The following FNDC3B variants were observed in gnomAD, a reference collection of about 807,000 sequenced individuals.
FNDC3B encodes the protein fibronectin type III domain-containing protein 3B.
Under a neutral mutation model 151.5 loss-of-function variants are expected in FNDC3B, and 12 were observed. That is an observed-to-expected ratio of 0.08 (90% CI 0.05 to 0.13). FNDC3B has a LOEUF of 0.13. Among genes scored for constraint, FNDC3B ranks in the 10% least tolerant of loss-of-function variants. FNDC3B has a pLI of 1.00. For missense variants in FNDC3B, 1,214 were observed against 1,505.3 expected (o/e 0.81, Z 3.20); for synonymous variants, 528 against 549.0 (o/e 0.96, Z 0.54).
At position 172,395,247 on chromosome 3, in the gene FNDC3B, TTGTC is replaced by T. The variant is rs796301782; in HGVS notation, c.3304-1912_3304-1909del. 6.4e-4 allele frequency among the ~76,000 whole-genome samples: 98 copies of T among 152,352 alleles called. 1 individual carries two copies. Among genetic ancestry groups the T allele is most frequent in the African/African-American group, 2.0e-3 (84 of 41,588 alleles). ...GGTTTCATTTCTGCTATTTTTTTCT[TTGTC>T]TGTCCATTGACTCTAAGCCATAAAT... On this transcript the variant is annotated intron_variant, in intron 25 of 25. Transcript: ENST00000415807.
rs539786610 is a variant in FNDC3B, at chr3:172,307,630, G to A, written c.1200+129G>A. 3.8e-5 allele frequency: 31 copies of A among 818,870 alleles called. No homozygotes were observed. The East Asian group carries it at 8.0e-4, about 21-fold the overall frequency. The allele number at this position is 818,870 out of a possible 1,614,324, so 50.7% of individuals were successfully genotyped here. A position where few individuals can be genotyped will look rare whatever the true frequency, so the allele number is the denominator to read the frequency against. ...ATCACTTGAACCCAGGAGTTTCAAG[G>A]CTGCAGTGAGCCATGATCACGCCAC... On this transcript the variant is annotated intron_variant, in intron 10 of 25. Coordinates refer to ENST00000415807, the MANE Select transcript of FNDC3B (RefSeq NM_022763.4).
At chr3:172,086,015 T>C (rs1038140662) in intron 1 of FNDC3B, among the ~76,000 whole-genome samples, 9 of 152,202 alleles carry the variant, frequency 5.9e-5, no homozygotes, top group African/African-American at 2.2e-4. Flanking sequence ...TAAAAAGTGA[T>C]ATTTCATCCA....
chr3:172,231,879 GT>G (rs33956893), intron 4 of FNDC3B, among the ~76,000 whole-genome samples: 679 of 104,480 alleles, frequency 6.5e-3, no homozygotes, highest in African/African-American at 0.017. Flanking sequence ...TTTATTTACC[GT>G]TTTTTTTTTT....
chr3:172,199,329 G>A (rs538041981), intron 3 of FNDC3B, among the ~76,000 whole-genome samples: 2 of 151,558 alleles, frequency 1.3e-5, no homozygotes, highest in Non-Finnish European at 1.5e-5. Flanking sequence ...ACAGGCGCCC[G>A]CCACCTCGCC....
chr3:172,250,200 T>G (rs959875343), intron 5 of FNDC3B, among the ~76,000 whole-genome samples: 1 of 152,216 alleles, frequency 6.6e-6, no homozygotes, highest in African/African-American at 2.4e-5. Flanking sequence ...AGGCTTCTAT[T>G]TTCTTTTGAG....
intron 16 of FNDC3B, among the ~76,000 whole-genome samples, chr3:172,339,014 G>A (rs1038331334): frequency 6.6e-6 from 1 of 152,116 alleles, no homozygotes; most frequent in African/African-American, 2.4e-5. Context: ...TGGGATTACA[G>A]GTGTGAGCCA....
rs555966814 is a variant in FNDC3B at position 172,123,662 on chromosome 3, T to C, written c.112-9809T>C. ...CAGCTAATTTTTAATTTTTGTTTTA[T>C]ATTGCCAGAATGGATCTGTTTAGAA... is the stretch of plus-strand genomic sequence containing the variant. On this transcript the variant is annotated intron_variant, in intron 2 of 25. Coordinates refer to ENST00000415807, the MANE Select transcript of FNDC3B (RefSeq NM_022763.4). 4.6e-5 allele frequency among the ~76,000 whole-genome samples: 7 copies of C among 152,332 alleles called. No homozygotes were observed. The South Asian group carries it at 1.4e-3, about 32-fold the overall frequency.
intron 23 of FNDC3B, among the ~76,000 whole-genome samples, chr3:172,368,805 G>A (rs1734752517): frequency 6.6e-6 from 1 of 152,206 alleles, no homozygotes. Context: ...GAGGTTAGGA[G>A]TTCAAGACCA....
rs534812659 is a variant in FNDC3B, at chr3:172,398,242, T to A, written c.*767T>A. On this transcript the variant is annotated 3_prime_UTR_variant, in exon 26 of 26. Transcript: ENST00000415807. ...TAGTTGTTTTCTTGTTCAGCTATTT[T>A]AAAGGCTGCTTTAACTTGTTTGTTT... 2.0e-5 allele frequency: 3 copies of A among 152,788 alleles called. No homozygotes were observed. The South Asian group carries it at 6.2e-4, about 32-fold the overall frequency. 9.5% of individuals were successfully genotyped at this position (152,788 alleles called of 1,614,324 possible).
At chr3:172,270,774 A>G (rs1450681917) in intron 6 of FNDC3B, among the ~76,000 whole-genome samples, 1 of 152,234 alleles carries the variant, frequency 6.6e-6, no homozygotes, top group African/African-American at 2.4e-5. Context: ...ACTTCCAGAC[A>G]TCTTTTATAG....
intron 1 of FNDC3B, among the ~76,000 whole-genome samples, chr3:172,105,858 A>G (rs1371698832): frequency 1.7e-5 from 2 of 119,872 alleles, no homozygotes; most frequent in African/African-American, 6.5e-5. Context: ...ATTTTCATGA[A>G]GTACGAATTG....
At chr3:172,131,477 T>C (rs919819425) in intron 2 of FNDC3B, among the ~76,000 whole-genome samples, 2 of 152,052 alleles carry the variant, frequency 1.3e-5, no homozygotes, top group African/African-American at 4.8e-5. Flanking sequence ...AACAGTACAG[T>C]GTGCTTACAT....
chr3:172,361,024 C>T (rs565615198), intron 22 of FNDC3B, among the ~76,000 whole-genome samples: 1 of 152,186 alleles, frequency 6.6e-6, no homozygotes, highest in African/African-American at 2.4e-5. Flanking sequence ...GTAGGCTGTA[C>T]AAAAAGTGTG....
chr3:172,342,536 G>A (rs1327777983), intron 17 of FNDC3B, among the ~76,000 whole-genome samples: 2 of 152,186 alleles, frequency 1.3e-5, no homozygotes, highest in Non-Finnish European at 2.9e-5. Context: ...GCTTATTTTA[G>A]CATTAACAGT....
Position 172,087,633 on chromosome 3 carries a change from A to T in FNDC3B, c.-28-24819A>T, listed in dbSNP as rs183411024. On this transcript the variant is annotated intron_variant, in intron 1 of 25. Coordinates refer to ENST00000415807, the MANE Select transcript of FNDC3B (RefSeq NM_022763.4). ...TCAGAGGTGCTGCTGATTAAAAAAA[A>T]TTTTTTTTTCAAATTTCATTGCAAA... 3.6e-3 allele frequency among the ~76,000 whole-genome samples: 548 copies of T among 151,734 alleles called. 1 individual carries two copies. The highest frequency in any genetic ancestry group is 0.011 in the African/African-American group (452 of 41,372).
At chr3:172,058,122 C>T (rs1158710566) in intron 1 of FNDC3B, among the ~76,000 whole-genome samples, 1 of 152,192 alleles carries the variant, frequency 6.6e-6, no homozygotes, top group Admixed American at 6.5e-5. Context: ...GTTTTAACCA[C>T]ATGTTTGCAA....
chr3:172,310,740 C>A, intron 10 of FNDC3B, 88 bp from the exon 11 acceptor site: 1 of 945,536 alleles, frequency 1.1e-6, no homozygotes, highest in Non-Finnish European at 1.8e-6. Context: ...ACAGGACTAT[C>A]ATAGACACTG....
At chr3:172,129,156 G>C (rs1720947577) in intron 2 of FNDC3B, among the ~76,000 whole-genome samples, 1 of 152,240 alleles carries the variant, frequency 6.6e-6, no homozygotes, top group East Asian at 1.9e-4. Flanking sequence ...TATTTTTGTA[G>C]ATATGGAGTC....
At chr3:172,188,677 A>T (rs913522631) in intron 3 of FNDC3B, among the ~76,000 whole-genome samples, 1 of 152,070 alleles carries the variant, frequency 6.6e-6, no homozygotes, top group African/African-American at 2.4e-5. Flanking sequence ...AGTGCTGGGA[A>T]TACAGGTGTG....
Sources: allele counts gnomAD v4.1 joint callset (sites outside exome capture counted in the v4.1 genomes callset), GRCh38; gene constraint gnomAD v4.1.1; transcripts MANE v1.5; gene names NCBI Gene and HGNC (gene_info 2026-07-23, HGNC 2026-07-21).